Variants in SLC30A8 observed in about 807,000 individuals in gnomAD.
SLC30A8 encodes solute carrier family 30 member 8.
SLC30A8 carries 27 observed loss-of-function variants against 36.9 expected under a neutral mutation model. The observed-to-expected ratio is 0.73, with a 90% CI of 0.54 to 1.01. SLC30A8 has a LOEUF of 1.01. SLC30A8 is among the 50% of genes least tolerant of loss of function. The probability of loss-of-function intolerance (pLI) is 0.00; values close to 1 mark genes in which losing one functional copy is unlikely to be tolerated. For synonymous variants in SLC30A8, 164 were observed against 172.4 expected, an observed-to-expected ratio of 0.95 and a Z score of 0.38; for missense variants, 439 against 452.0, an observed-to-expected ratio of 0.97 and a Z score of 0.26.
chr8:117,114,551 C>G (rs895678974), intron 2 of SLC30A8, among the ~76,000 whole-genome samples: 1 of 152,082 alleles, frequency 6.6e-6, no homozygotes, highest in African/African-American at 2.4e-5. Flanking sequence ...CTTTAAATCC[C>G]TAGCCCTCCT....
intron 1 of SLC30A8, among the ~76,000 whole-genome samples, chr8:116,965,301 C>A (rs1051518199): frequency 1.5e-4 from 23 of 152,112 alleles, no homozygotes; most frequent in Non-Finnish European, 3.1e-4. Context: ...AAGTAATCAG[C>A]AAAGCTAAAA....
chr8:117,080,240 T>C (rs191210596), intron 2 of SLC30A8, among the ~76,000 whole-genome samples: 5 of 152,326 alleles, frequency 3.3e-5, no homozygotes, highest in African/African-American at 1.2e-4. Flanking sequence ...GAAGCAAAAC[T>C]GAATATAAGA....
chr8:117,041,415 C>A (rs567565173), intron 2 of SLC30A8, among the ~76,000 whole-genome samples: 1 of 152,166 alleles, frequency 6.6e-6, no homozygotes, highest in African/African-American at 2.4e-5. Context: ...GGGCTGGGCA[C>A]GGTGGCTCAC....
At chr8:117,163,700 A>G (rs1014355743) in intron 6 of SLC30A8, among the ~76,000 whole-genome samples, 170 bp downstream of exon 6, 1 of 152,218 alleles carries the variant, frequency 6.6e-6, no homozygotes, top group Non-Finnish European at 1.5e-5. Context: ...CTATGGGAAC[A>G]AGTAAAAAGA....
intron 1 of SLC30A8, among the ~76,000 whole-genome samples, chr8:116,976,879 C>T (rs1290673194): frequency 1.4e-5 from 2 of 146,298 alleles, no homozygotes; most frequent in African/African-American, 2.6e-5. Context: ...TGCAGTGGCA[C>T]GAACTCAGCT....
chr8:117,121,281 A>G (rs902461550), intron 2 of SLC30A8, among the ~76,000 whole-genome samples: 1 of 151,964 alleles, frequency 6.6e-6, no homozygotes. Context: ...AAAACATGGT[A>G]TATACATACA....
intron 5 of SLC30A8, among the ~76,000 whole-genome samples, chr8:117,162,382 G>T (rs548459317): frequency 6.6e-6 from 1 of 152,052 alleles, no homozygotes; most frequent in Non-Finnish European, 1.5e-5. Context: ...GGAGGTTAGA[G>T]CACCTGATTT....
intron 2 of SLC30A8, among the ~76,000 whole-genome samples, chr8:117,050,436 C>T (rs562733552): frequency 3.7e-4 from 55 of 149,920 alleles, no homozygotes; most frequent in Admixed American, 7.3e-4. Context: ...GACACAGTTT[C>T]ACTCTGTTGC....
chr8:116,987,429 G>A (rs1815483716), intron 1 of SLC30A8, among the ~76,000 whole-genome samples: 1 of 97,014 alleles, frequency 1.0e-5, no homozygotes, highest in Admixed American at 1.1e-4. Context: ...TACCCTAAAA[G>A]TATAATAAAA....
chr8:117,026,538 T>C (rs531030309), intron 1 of SLC30A8, among the ~76,000 whole-genome samples: 1 of 152,258 alleles, frequency 6.6e-6, no homozygotes, highest in East Asian at 1.9e-4. Context: ...CCCTCTCCCA[T>C]AGGGCAGAAG....
intron 1 of SLC30A8, among the ~76,000 whole-genome samples, chr8:117,023,686 A>G (rs1164447265): frequency 1.4e-5 from 2 of 137,952 alleles, no homozygotes; most frequent in African/African-American, 5.2e-5. Flanking sequence ...ACTCATGGAC[A>G]CAGGAAGGGG....
intron 1 of SLC30A8, among the ~76,000 whole-genome samples, chr8:117,009,949 G>A (rs949863177): frequency 4.6e-5 from 7 of 152,282 alleles, no homozygotes; most frequent in Admixed American, 6.5e-5. Context: ...CAAAGCCAAC[G>A]CACTTGACTT....
chr8:117,152,579 G>A (rs1822244217), intron 2 of SLC30A8, among the ~76,000 whole-genome samples: 1 of 152,180 alleles, frequency 6.6e-6, no homozygotes, highest in Non-Finnish European at 1.5e-5. Context: ...CATGTCCTCA[G>A]TCTGGATTAT....
chr8:117,099,874 A>G (rs1465201289), intron 2 of SLC30A8, among the ~76,000 whole-genome samples: 1 of 152,202 alleles, frequency 6.6e-6, no homozygotes, highest in East Asian at 1.9e-4. Flanking sequence ...ACTGTATTTC[A>G]TTTAATCTTG....
intron 2 of SLC30A8, among the ~76,000 whole-genome samples, chr8:117,103,989 G>A (rs1819855155): frequency 6.6e-6 from 1 of 152,112 alleles, no homozygotes; most frequent in African/African-American, 2.4e-5. Context: ...TGGACATCAT[G>A]GGGATCATGC....
chr8:117,125,912 A>G (rs1820881716), intron 2 of SLC30A8, among the ~76,000 whole-genome samples: 1 of 152,064 alleles, frequency 6.6e-6, no homozygotes, highest in Admixed American at 6.6e-5. Flanking sequence ...AAATTAAAAT[A>G]GTATCTGTAA....
intron 2 of SLC30A8, among the ~76,000 whole-genome samples, chr8:117,079,002 T>C (rs183627108): frequency 4.6e-5 from 7 of 151,984 alleles, no homozygotes; most frequent in Admixed American, 4.6e-4. Context: ...TTCTCTTTTT[T>C]CTTTTCTCTT....
intron 1 of SLC30A8, among the ~76,000 whole-genome samples, chr8:116,974,441 C>G (rs547229266): frequency 1.3e-5 from 2 of 152,286 alleles, no homozygotes; most frequent in East Asian, 1.9e-4. Flanking sequence ...AAAAAATGCT[C>G]GTCATCACTG....
intron 2 of SLC30A8, among the ~76,000 whole-genome samples, chr8:117,047,342 C>T (rs1165201059): frequency 2.0e-5 from 3 of 152,098 alleles, no homozygotes; most frequent in East Asian, 3.9e-4. Context: ...ACTACAAGGC[C>T]GTTGAGTGAC....
Sources: allele counts gnomAD v4.1 joint callset (sites outside exome capture counted in the v4.1 genomes callset), GRCh38; gene constraint gnomAD v4.1.1; transcripts MANE v1.5; gene names NCBI Gene and HGNC (gene_info 2026-07-23, HGNC 2026-07-21).